Variants in BICRAL observed in about 807,000 individuals in gnomAD.
BICRAL encodes BICRA like chromatin remodeling complex associated protein.
BICRAL carries 8 observed loss-of-function variants against 91.8 expected under a neutral mutation model. The ratio of observed to expected loss-of-function variants is 0.09; its 90% CI spans 0.05 to 0.16. The LOEUF is 0.16. Ranked by LOEUF, BICRAL falls within the 10% of genes least tolerant of loss-of-function variation. BICRAL has a pLI of 1.00. For synonymous variants in BICRAL, 445 were observed against 491.1 expected, an observed-to-expected ratio of 0.91 and a Z score of 1.24; for missense variants, 1,038 against 1,310.9, an observed-to-expected ratio of 0.79 and a Z score of 3.21.
intron 1 of BICRAL, among the ~76,000 whole-genome samples, chr6:42,783,409 C>G (rs1246471478): frequency 2.0e-5 from 3 of 152,156 alleles, no homozygotes; most frequent in Non-Finnish European, 4.4e-5. Context: ...CCCGAGTCGC[C>G]CCAAATGCGG....
At position 42,819,357 on chromosome 6, in the gene BICRAL, C is replaced by T. The variant is rs563718068; in HGVS notation, c.-5-2661C>T. ...CTGGAGTGCAGTGGCATGATCTCGG[C>T]TCACTGCAACCTCTGCCTCCCAGGT... On this transcript the variant is annotated intron_variant, in intron 2 of 12. Coordinates refer to ENST00000314073, the MANE Select transcript of BICRAL (RefSeq NM_001393499.1). 5.9e-5 allele frequency among the ~76,000 whole-genome samples: 9 copies of T among 152,290 alleles called. No homozygotes were observed. The East Asian group carries it at 1.7e-3, about 29-fold the overall frequency.
chr6:42,753,674 C>G (rs768896092), intron 1 of BICRAL, among the ~76,000 whole-genome samples: 1 of 152,088 alleles, frequency 6.6e-6, no homozygotes, highest in Admixed American at 6.6e-5. Context: ...TGCGGTGGCA[C>G]GACCTTGGCT....
intron 1 of BICRAL, among the ~76,000 whole-genome samples, chr6:42,798,624 A>AGG (rs111908186): frequency 8.9e-4 from 135 of 152,266 alleles, no homozygotes; most frequent in African/African-American, 3.2e-3. Context: ...TAAACCCAGG[A>AGG]GGGGGAGGTT....
chr6:42,855,286 A>ATTAC (rs1765315146), intron 8 of BICRAL, among the ~76,000 whole-genome samples: 2 of 152,216 alleles, frequency 1.3e-5, no homozygotes, highest in African/African-American at 4.8e-5. Context: ...CACACCTGTA[A>ATTAC]TCCCAACACT....
At chr6:42,754,576 A>G (rs868807219) in intron 1 of BICRAL, among the ~76,000 whole-genome samples, 10 of 152,216 alleles carry the variant, frequency 6.6e-5, no homozygotes, top group Admixed American at 3.9e-4. Context: ...CCTATTTTCT[A>G]TTCTATTTAT....
chr6:42,837,793 G>A (rs1449421148), intron 6 of BICRAL, among the ~76,000 whole-genome samples: 1 of 151,894 alleles, frequency 6.6e-6, no homozygotes, highest in East Asian at 1.9e-4. Context: ...AGAAAGATGT[G>A]TACTACAATG....
chr6:42,791,734 G>C (rs1199186806), intron 1 of BICRAL, among the ~76,000 whole-genome samples: 1 of 152,144 alleles, frequency 6.6e-6, no homozygotes, highest in Non-Finnish European at 1.5e-5. Context: ...AAAGTGCTAG[G>C]ACTATAGGTG....
chr6:42,753,613 A>G (rs1442960549), intron 1 of BICRAL, among the ~76,000 whole-genome samples: 2 of 151,980 alleles, frequency 1.3e-5, no homozygotes, highest in Non-Finnish European at 2.9e-5. Context: ...TGTTGTTTGA[A>G]CTTGTTTGTT....
chr6:42,800,751 A>G (rs143704358), intron 1 of BICRAL, among the ~76,000 whole-genome samples: 185 of 152,208 alleles, frequency 1.2e-3, no homozygotes, highest in African/African-American at 4.0e-3. Context: ...TGTCTTTATA[A>G]AAGGGAATCC....
intron 1 of BICRAL, among the ~76,000 whole-genome samples, chr6:42,753,870 C>T (rs1762419153): frequency 6.6e-6 from 1 of 152,196 alleles, no homozygotes. Flanking sequence ...CCTCAGCTTC[C>T]CAAAGTGCTG....
At chr6:42,839,859 A>G (rs1027282576) in intron 6 of BICRAL, among the ~76,000 whole-genome samples, 1 of 152,186 alleles carries the variant, frequency 6.6e-6, no homozygotes, top group African/African-American at 2.4e-5. Flanking sequence ...TTGTGTCACA[A>G]GACACTGTAG....
chr6:42,791,677 G>A (rs979321526), intron 1 of BICRAL, among the ~76,000 whole-genome samples: 5 of 152,094 alleles, frequency 3.3e-5, no homozygotes, highest in African/African-American at 1.2e-4. Context: ...TTGCACAGGC[G>A]TGTCTCAAAC....
intron 6 of BICRAL, among the ~76,000 whole-genome samples, chr6:42,835,173 G>A (rs1764604117): frequency 6.6e-6 from 1 of 151,098 alleles, no homozygotes; most frequent in African/African-American, 2.4e-5. Flanking sequence ...CTACTGCCCA[G>A]GCTGGAGTGC....
intron 11 of BICRAL, among the ~76,000 whole-genome samples, chr6:42,860,657 C>T (rs755496493): frequency 4.6e-5 from 7 of 152,190 alleles, no homozygotes; most frequent in South Asian, 2.1e-4. Context: ...AGCTCGGATA[C>T]GAGCCAGGAT....
upstream of BICRAL, among the ~76,000 whole-genome samples, chr6:42,781,534 T>G (rs1299174077): frequency 7.3e-6 from 1 of 136,546 alleles, no homozygotes; most frequent in Non-Finnish European, 1.6e-5. Flanking sequence ...TCTTGTAGGG[T>G]TTTTTTTTTT....
intron 1 of BICRAL, among the ~76,000 whole-genome samples, chr6:42,756,919 TCCC>T (rs780265578): frequency 2.9e-5 from 2 of 69,364 alleles, no homozygotes; most frequent in African/African-American, 5.8e-5. Flanking sequence ...TCTCTCCCTC[TCCC>T]CCCCCCCCAC....
Position 42,828,735 on chromosome 6 carries a change from A to G in BICRAL, c.402A>G (p.Gln134=). The G allele has an allele frequency of 6.2e-7, 1 of 1,614,246 alleles. No individual in the cohort carries two copies. The highest frequency in any genetic ancestry group is 8.5e-7 in the Non-Finnish European group (1 of 1,180,046). ...AYLDASIGSS[Q]QFAQAQLHPS... ...TGGATGCCAGTATAGGTTCAAGCCAACAGTTTGCACAAGCTCAGCTTCATC... is the reference window on the plus strand; with the variant it reads ...TGGATGCCAGTATAGGTTCAAGCCAGCAGTTTGCACAAGCTCAGCTTCATC... The change falls in exon 6 of 13, where the codon CAA becomes CAG. Residue 134 remains glutamine (Q), a synonymous_variant. Transcript: ENST00000314073.
At chr6:42,843,248 C>A (rs773541096) in intron 6 of BICRAL, among the ~76,000 whole-genome samples, 1 of 152,126 alleles carries the variant, frequency 6.6e-6, no homozygotes, top group Non-Finnish European at 1.5e-5. Context: ...GGAAGGTTTC[C>A]TGAGGTGGTG....
intron 1 of BICRAL, among the ~76,000 whole-genome samples, chr6:42,761,039 C>G (rs1762539096): frequency 6.6e-6 from 1 of 152,062 alleles, no homozygotes; most frequent in Non-Finnish European, 1.5e-5. Context: ...GAGTGAGACT[C>G]TGTCTCAAAT....
Sources: allele counts gnomAD v4.1 joint callset (sites outside exome capture counted in the v4.1 genomes callset), GRCh38; gene constraint gnomAD v4.1.1; transcripts MANE v1.5; gene names NCBI Gene and HGNC (gene_info 2026-07-23, HGNC 2026-07-21).